The following KIAA1217 variants were observed in gnomAD, a reference collection of about 807,000 sequenced individuals.
KIAA1217 encodes sickle tail protein homolog.
In KIAA1217, 88 loss-of-function variants were observed where a neutral mutation model predicts 163.9. The ratio of observed to expected loss-of-function variants is 0.54; its 90% CI spans 0.45 to 0.64. The LOEUF is 0.64. Ranked by LOEUF, KIAA1217 falls within the 30% of genes least tolerant of loss-of-function variation. The pLI is 0.00. For missense variants in KIAA1217, 2,372 were observed against 2,475.0 expected, an observed-to-expected ratio of 0.96 and a Z score of 0.88; for synonymous variants, 903 against 923.1, an observed-to-expected ratio of 0.98 and a Z score of 0.39.
chr10:23,760,229 A>G (rs1422377261), intron 1 of KIAA1217, among the ~76,000 whole-genome samples: 2 of 151,202 alleles, frequency 1.3e-5, no homozygotes, highest in African/African-American at 4.9e-5. Context: ...CTCCTCATGG[A>G]TCGGGCTCCC....
chr10:24,107,150 G>T (rs1293629463), intron 2 of KIAA1217, among the ~76,000 whole-genome samples: 2 of 152,146 alleles, frequency 1.3e-5, no homozygotes, highest in Non-Finnish European at 2.9e-5. Flanking sequence ...GTTTTCTGTT[G>T]CTGCGTTAAT....
rs370717143 is a variant in KIAA1217, at chr10:24,367,252, C to T, written c.355-13617C>T. ...CATCGAGTTGCACCCTCATCCTGCA[C>T]CTTTCCCTCACCTGCAAGTGCCATT... is the stretch of plus-strand genomic sequence containing the variant. On this transcript the variant is annotated intron_variant, in intron 2 of 20. Coordinates refer to ENST00000376454, the MANE Select transcript of KIAA1217 (RefSeq NM_019590.5). 62 of 696,622 alleles carry T rather than the reference C, an allele frequency of 8.9e-5. No individual in the cohort carries two copies. In the African/African-American group the frequency reaches 1.1e-3, roughly 13 times the overall value. The allele number at this position is 696,622 out of a possible 1,614,324, so 43.2% of individuals were successfully genotyped here. A position where few individuals can be genotyped will look rare whatever the true frequency, so the allele number is the denominator to read the frequency against.
chr10:24,248,400 G>C (rs1475172566), intron 2 of KIAA1217, among the ~76,000 whole-genome samples: 1 of 152,186 alleles, frequency 6.6e-6, no homozygotes, highest in Non-Finnish European at 1.5e-5. Flanking sequence ...GCCGGGCGCA[G>C]TGGCTCATGC....
intron 2 of KIAA1217, among the ~76,000 whole-genome samples, chr10:24,062,077 CT>C (rs1564651667): frequency 6.6e-6 from 1 of 151,892 alleles, no homozygotes; most frequent in Non-Finnish European, 1.5e-5. Context: ...GATTCTTCTG[CT>C]TGCTCTTATC....
chr10:24,336,491 A>C (rs1376097399), intron 2 of KIAA1217, among the ~76,000 whole-genome samples: 2 of 152,148 alleles, frequency 1.3e-5, no homozygotes, highest in Non-Finnish European at 2.9e-5. Flanking sequence ...CTCATCTTGC[A>C]CTCAGTATGT....
intron 3 of KIAA1217, among the ~76,000 whole-genome samples, chr10:24,387,138 T>C (rs1271167704): frequency 6.6e-6 from 1 of 152,132 alleles, no homozygotes; most frequent in Non-Finnish European, 1.5e-5. Flanking sequence ...TGATGAACAT[T>C]GATGCAAAAA....
At chr10:24,148,295 C>T (rs527539076) in intron 2 of KIAA1217, among the ~76,000 whole-genome samples, 505 of 152,164 alleles carry the variant, frequency 3.3e-3, no homozygotes, top group Non-Finnish European at 5.7e-3. Context: ...ACTTCTGATG[C>T]TCATCTTTTA....
chr10:23,709,785 C>A (rs974165151), intron 1 of KIAA1217, among the ~76,000 whole-genome samples: 7 of 152,092 alleles, frequency 4.6e-5, no homozygotes, highest in Non-Finnish European at 1.0e-4. Context: ...CTCGGAGATA[C>A]AAAGCCTAGA....
At chr10:24,540,017 A>G (rs928076792) in intron 17 of KIAA1217, among the ~76,000 whole-genome samples, 5 of 152,214 alleles carry the variant, frequency 3.3e-5, no homozygotes, top group Admixed American at 2.0e-4. Context: ...AGTCTTGACC[A>G]TCTAAGACTA....
At chr10:23,792,179 G>T (rs550025158) in intron 1 of KIAA1217, among the ~76,000 whole-genome samples, 1 of 152,318 alleles carries the variant, frequency 6.6e-6, no homozygotes, top group African/African-American at 2.4e-5. Context: ...ATTTAACCCT[G>T]TCAGTGGGGT....
rs16923941 is a variant in KIAA1217, at chr10:23,833,111, T to A, written c.-321+137877T>A. 5.2e-3 allele frequency among the ~76,000 whole-genome samples: 793 copies of A among 152,248 alleles called. 11 individuals are homozygous for A. The highest frequency in any genetic ancestry group is 0.017 in the African/African-American group (716 of 41,558). The stretch of plus-strand genomic sequence containing the variant: ...TTTTCTTAATATATCAACCTTAGGC[T>A]TTATATCTAGACTCCAGTATATCTG... On this transcript the variant is annotated intron_variant, in intron 1 of 18. Transcript: ENST00000376462.
chr10:24,520,302 G>A (rs2070896745), intron 11 of KIAA1217, 49 bp downstream of exon 11: 1 of 1,600,032 alleles, frequency 6.2e-7, no homozygotes. Context: ...TCTTTCCTGC[G>A]GTGTTTAAAA....
At position 23,789,920 on chromosome 10, in the gene KIAA1217, TAC is replaced by T. The variant is rs10616161; in HGVS notation, c.-321+94688_-321+94689del. Among the ~76,000 whole-genome samples, 107 of 92,744 alleles carry T rather than the reference TAC, an allele frequency of 1.2e-3. 2 individuals are homozygous for T. Among genetic ancestry groups the T allele is most frequent in the South Asian group, 2.6e-3 (10 of 3,788 alleles). 60.8% of individuals were successfully genotyped at this position (92,744 alleles called of 152,430 possible). A position where few individuals can be genotyped will look rare whatever the true frequency, so the allele number is the denominator to read the frequency against. On this transcript the variant is annotated intron_variant, in intron 1 of 18. Transcript: ENST00000376462. ...TGATATATACATATACATATGCATA[TAC>T]ATGTATATATACACATATACATATA...
chr10:24,073,883 G>A (rs1164614694), intron 2 of KIAA1217, among the ~76,000 whole-genome samples: 3 of 152,112 alleles, frequency 2.0e-5, no homozygotes, highest in Non-Finnish European at 4.4e-5. Flanking sequence ...GGAAGTGGAG[G>A]TTAAAACAGG....
chr10:24,141,229 C>CCCA lies in KIAA1217; in HGVS notation c.-170-78395_-170-78394insACC, dbSNP rs1554882532. 7.2e-4 allele frequency among the ~76,000 whole-genome samples: 87 copies of CCCA among 120,736 alleles called. 3 individuals carry two copies. Among genetic ancestry groups the CCCA allele is most frequent in the Admixed American group, 1.3e-3 (16 of 12,190 alleles). The allele number at this position is 120,736 out of a possible 152,430, so 79.2% of individuals were successfully genotyped here. The stretch of plus-strand genomic sequence containing the variant: ...TAATGCTCAGAGAAAGAATAAACCC[C>CCCA]CCCCCCCCATTTCTCTCTTCTTTCC... On this transcript the variant is annotated intron_variant, in intron 2 of 18. Transcript: ENST00000376462.
At chr10:24,403,010 C>G (rs2056765406) in intron 3 of KIAA1217, among the ~76,000 whole-genome samples, 1 of 152,034 alleles carries the variant, frequency 6.6e-6, no homozygotes, top group Non-Finnish European at 1.5e-5. Context: ...GAAATGGGAT[C>G]TCCCCTCAAA....
intron 1 of KIAA1217, among the ~76,000 whole-genome samples, chr10:23,816,331 T>C (rs1837311821): frequency 1.3e-5 from 2 of 152,284 alleles, no homozygotes; most frequent in Non-Finnish European, 1.5e-5. Flanking sequence ...TCTCCTCTGT[T>C]GCCCAGGCTG....
chr10:24,202,440 A>C (rs1473857812), intron 2 of KIAA1217, among the ~76,000 whole-genome samples: 1 of 152,110 alleles, frequency 6.6e-6, no homozygotes, highest in East Asian at 1.9e-4. Flanking sequence ...CCAGGACTCC[A>C]AGACACCAGT....
chr10:23,828,066 A>G (rs1450507622), intron 1 of KIAA1217, among the ~76,000 whole-genome samples: 5 of 152,236 alleles, frequency 3.3e-5, no homozygotes, highest in African/African-American at 4.8e-5. Context: ...ATTAACGCTT[A>G]TTGATTTTCT....
Sources: allele counts gnomAD v4.1 joint callset (sites outside exome capture counted in the v4.1 genomes callset), GRCh38; gene constraint gnomAD v4.1.1; transcripts MANE v1.5; gene names NCBI Gene and HGNC (gene_info 2026-07-23, HGNC 2026-07-21).